Variants in ZNRF3 observed in about 807,000 individuals in gnomAD.
ZNRF3 encodes zinc and ring finger 3, also known as E3 ubiquitin-protein ligase ZNRF3.
Under a neutral mutation model 72.5 loss-of-function variants are expected in ZNRF3, and 23 were observed. That is an observed-to-expected ratio of 0.32 (90% CI 0.23 to 0.45). ZNRF3 has a LOEUF of 0.45. Among genes scored for constraint, ZNRF3 ranks in the 20% least tolerant of loss-of-function variants. ZNRF3 has a pLI of 1.00. For synonymous variants in ZNRF3, 610 were observed against 545.3 expected (o/e 1.12, Z -1.65); for missense variants, 1,169 against 1,272.1 (o/e 0.92, Z 1.23).
intron 1 of ZNRF3, among the ~76,000 whole-genome samples, chr22:28,898,741 G>T (rs1466601077): frequency 6.6e-6 from 1 of 152,168 alleles, no homozygotes; most frequent in African/African-American, 2.4e-5. Context: ...TTTAAGCGCT[G>T]TGTGGGAAGC....
intron 2 of ZNRF3, among the ~76,000 whole-genome samples, chr22:29,013,535 G>A (rs2036381025): frequency 6.6e-6 from 1 of 152,166 alleles, no homozygotes; most frequent in South Asian, 2.1e-4. Flanking sequence ...AACATGTGCT[G>A]ATTAAATGGC....
At chr22:28,936,968 G>T (rs558059389) in intron 1 of ZNRF3, among the ~76,000 whole-genome samples, 15 of 152,028 alleles carry the variant, frequency 9.9e-5, no homozygotes, top group African/African-American at 3.6e-4. Context: ...CAAAGCCAGG[G>T]CTTGTAACTT....
At chr22:28,924,652 G>A (rs749623378) in intron 1 of ZNRF3, among the ~76,000 whole-genome samples, 6 of 152,072 alleles carry the variant, frequency 3.9e-5, no homozygotes, top group South Asian at 2.1e-4. Flanking sequence ...TGGGAGGATC[G>A]CTTGAGCCCA....
At chr22:29,017,317 G>A (rs964589) in intron 2 of ZNRF3, among the ~76,000 whole-genome samples, 66,266 of 152,056 alleles carry the variant, frequency 0.44, 14,980 homozygotes, top group Non-Finnish European at 0.49. Context: ...TCAGGCAGGT[G>A]TACACTGTCC....
chr22:28,966,394 CT>C (rs1443137257), intron 1 of ZNRF3, among the ~76,000 whole-genome samples: 1 of 152,108 alleles, frequency 6.6e-6, no homozygotes, highest in African/African-American at 2.4e-5. Context: ...TGTTAGTGTA[CT>C]CTTCTACTTA....
At chr22:28,969,902 T>C (rs1023823711) in intron 1 of ZNRF3, among the ~76,000 whole-genome samples, 1 of 152,106 alleles carries the variant, frequency 6.6e-6, no homozygotes, top group East Asian at 1.9e-4. Flanking sequence ...GGTTGGGTTC[T>C]GAATAGGTTT....
chr22:29,003,168 C>T (rs1394048375), intron 2 of ZNRF3, among the ~76,000 whole-genome samples: 1 of 152,132 alleles, frequency 6.6e-6, no homozygotes, highest in Non-Finnish European at 1.5e-5. Flanking sequence ...TTGACTACCA[C>T]ACAGAAGTTT....
intron 1 of ZNRF3, among the ~76,000 whole-genome samples, chr22:28,975,499 C>T (rs1402902850): frequency 8.8e-6 from 1 of 113,530 alleles, no homozygotes; most frequent in Admixed American, 1.0e-4. Flanking sequence ...CAGAGCGATA[C>T]TCTGTCTCAA....
intron 4 of ZNRF3, 130 bp from the exon 5 acceptor site, chr22:29,044,650 G>A: frequency 1.5e-6 from 1 of 687,626 alleles, no homozygotes; most frequent in East Asian, 2.7e-5. Flanking sequence ...AACCCCAGGA[G>A]TTTCCTGCAA....
intron 1 of ZNRF3, among the ~76,000 whole-genome samples, chr22:28,914,832 A>T (rs1269815249): frequency 6.6e-6 from 1 of 151,900 alleles, no homozygotes; most frequent in African/African-American, 2.4e-5. Flanking sequence ...AAAAAAAAAA[A>T]ATTAGGTTAA....
At chr22:28,998,887 G>A (rs550463449) in intron 2 of ZNRF3, among the ~76,000 whole-genome samples, 5 of 152,248 alleles carry the variant, frequency 3.3e-5, no homozygotes, top group South Asian at 4.2e-4. Context: ...AGGACTGGGG[G>A]AAGCCTAGCT....
chr22:28,923,586 C>T (rs139906882), intron 1 of ZNRF3, among the ~76,000 whole-genome samples: 1,654 of 152,176 alleles, frequency 0.011, 27 homozygotes, highest in Non-Finnish European at 0.012. Context: ...ACCGTCCCTC[C>T]ATATACTCAC....
chr22:28,994,328 A>G (rs1291089554), intron 2 of ZNRF3, among the ~76,000 whole-genome samples: 2 of 151,148 alleles, frequency 1.3e-5, no homozygotes, highest in Non-Finnish European at 2.9e-5. Flanking sequence ...CTGGGATTAC[A>G]GGCATGCACC....
chr22:28,955,721 C>T (rs2035246476), intron 1 of ZNRF3, among the ~76,000 whole-genome samples: 1 of 151,230 alleles, frequency 6.6e-6, no homozygotes, highest in African/African-American at 2.4e-5. Context: ...GAGTTCAAGA[C>T]CAACCTGGGC....
At chr22:29,001,059 CTTTTTTTTTTTT>C (rs773296494) in intron 2 of ZNRF3, among the ~76,000 whole-genome samples, 2 of 77,896 alleles carry the variant, frequency 2.6e-5, no homozygotes, top group South Asian at 5.2e-4. Flanking sequence ...AAAGCTTTGC[CTTTTTTTTTTTT>C]TTTTTTTTTT....
intron 1 of ZNRF3, among the ~76,000 whole-genome samples, chr22:28,966,503 T>C (rs2035462162): frequency 6.6e-6 from 1 of 152,196 alleles, no homozygotes; most frequent in Non-Finnish European, 1.5e-5. Context: ...AGCTCATGTG[T>C]GTTACTGCGA....
At chr22:29,021,818 C>T (rs1282181785) in intron 2 of ZNRF3, among the ~76,000 whole-genome samples, 1 of 152,102 alleles carries the variant, frequency 6.6e-6, no homozygotes, top group Non-Finnish European at 1.5e-5. Context: ...GTATAATAGA[C>T]ATGTGATAAA....
At chr22:29,036,238 A>G (rs1377959449) in intron 2 of ZNRF3, among the ~76,000 whole-genome samples, 1 of 152,188 alleles carries the variant, frequency 6.6e-6, no homozygotes, top group Non-Finnish European at 1.5e-5. Context: ...TCGTATTTTC[A>G]GGGAAAATGT....
At chr22:28,932,345 T>G (rs1208673063) in intron 1 of ZNRF3, among the ~76,000 whole-genome samples, 1 of 152,126 alleles carries the variant, frequency 6.6e-6, no homozygotes, top group Non-Finnish European at 1.5e-5. Context: ...TGAGTAAGAA[T>G]GTAACTGGTT....
Sources: allele counts gnomAD v4.1 joint callset (sites outside exome capture counted in the v4.1 genomes callset), GRCh38; gene constraint gnomAD v4.1.1; transcripts MANE v1.5; gene names NCBI Gene and HGNC (gene_info 2026-07-23, HGNC 2026-07-21).